Variants in SLC2A5 observed in about 807,000 individuals in gnomAD.
The protein encoded by SLC2A5 is solute carrier family 2, facilitated glucose transporter member 5.
In SLC2A5, 56 loss-of-function variants were observed where a neutral mutation model predicts 50.3. The ratio of observed to expected loss-of-function variants is 1.11; its 90% CI spans 0.90 to 1.39. SLC2A5 has a LOEUF of 1.39. SLC2A5 is among the 40% of genes most tolerant of loss of function. The probability of loss-of-function intolerance (pLI) is 0.00; values close to 1 mark genes in which losing one functional copy is unlikely to be tolerated. For synonymous variants in SLC2A5, 269 were observed against 281.9 expected, an observed-to-expected ratio of 0.95 and a Z score of 0.46; for missense variants, 566 against 650.1, an observed-to-expected ratio of 0.87 and a Z score of 1.41.
chr1:9,071,354 G>A (rs938291365), upstream of SLC2A5, among the ~76,000 whole-genome samples: 3 of 152,104 alleles, frequency 2.0e-5, no homozygotes, highest in African/African-American at 4.8e-5. Context: ...AGGTTGCAGC[G>A]CACCTAGATC....
chr1:9,066,193 G>A (rs755768292), intron 1 of SLC2A5, among the ~76,000 whole-genome samples: 2 of 152,118 alleles, frequency 1.3e-5, no homozygotes, highest in Admixed American at 1.3e-4. Flanking sequence ...AAGCACTTCG[G>A]CATCTTTTTA....
At chr1:9,084,069 GGGA>G (rs919330191) in intron 2 of SLC2A5, among the ~76,000 whole-genome samples, 2 of 151,042 alleles carry the variant, frequency 1.3e-5, no homozygotes, top group African/African-American at 4.9e-5. Context: ...GCGTGAACCT[GGGA>G]GGCGGAGATT....
In SLC2A5 at chr1:9,052,167, C is replaced by T. The variant is rs964895914; in HGVS notation, c.294-4433G>A. On this transcript the variant is annotated intron_variant, in intron 3 of 11. Transcript: ENST00000377424. Reference sequence around the variant, plus strand: ...GGTGTGGTGGCGTGCACCTGTAGTCCCAGCTACTCAGGAGGCTGAGGCAGG... The same window carrying T: ...GGTGTGGTGGCGTGCACCTGTAGTCTCAGCTACTCAGGAGGCTGAGGCAGG... Among the ~76,000 whole-genome samples the T allele has an allele frequency of 1.1e-4, 16 of 152,206 alleles. 1 individual carries two copies. In the South Asian group the frequency reaches 1.5e-3, roughly 14 times the overall value.
chr1:9,046,032 A>G (rs1393762239), intron 4 of SLC2A5, among the ~76,000 whole-genome samples: 1 of 152,078 alleles, frequency 6.6e-6, no homozygotes, highest in Non-Finnish European at 1.5e-5. Flanking sequence ...CGTCTCTGTT[A>G]CTGCCAATTA....
chr1:9,075,669 T>C (rs1642274140), intron 2 of SLC2A5, among the ~76,000 whole-genome samples: 1 of 152,202 alleles, frequency 6.6e-6, no homozygotes, highest in Non-Finnish European at 1.5e-5. Flanking sequence ...TTTTCAATTT[T>C]TTTTTTTTGA....
Position 9,081,286 on chromosome 1 carries a change from A to AAC in SLC2A5, c.-59+3727_-59+3728insGT, listed in dbSNP as rs1268316544. ...GAAAAAAAAAAAAAAAAAACCCCAA[A>AAC]AAAAAAAAACACGACCAAAACAAAA... On this transcript the variant is annotated intron_variant, in intron 2 of 5. Transcript: ENST00000464985. Among the ~76,000 whole-genome samples, 373 of 145,216 alleles carry AAC rather than the reference A, an allele frequency of 2.6e-3. 6 individuals carry two copies. Among genetic ancestry groups the AAC allele is most frequent in the African/African-American group, 8.7e-3 (327 of 37,652 alleles).
At chr1:9,090,089 C>A (rs1642447449), upstream of SLC2A5, among the ~76,000 whole-genome samples, 1 of 152,080 alleles carries the variant, frequency 6.6e-6, no homozygotes, top group African/African-American at 2.4e-5. Context: ...CAGGGAGTCA[C>A]CCTCACTCTT....
intron 4 of SLC2A5, among the ~76,000 whole-genome samples, chr1:9,042,593 CTGTGTGTGTG>C (rs534980545): frequency 2.3e-5 from 3 of 131,684 alleles, no homozygotes; most frequent in Non-Finnish European, 4.9e-5. Flanking sequence ...TATATGGCCT[CTGTGTGTGTG>C]TGTGTGTGTA....
At chr1:9,064,020 G>A (rs1312533664) in intron 1 of SLC2A5, among the ~76,000 whole-genome samples, 1 of 151,772 alleles carries the variant, frequency 6.6e-6, no homozygotes, top group Non-Finnish European at 1.5e-5. Flanking sequence ...TAGAGACAGG[G>A]TCTTGCTATG....
chr1:9,037,724 G>C lies in SLC2A5; in HGVS notation c.1368C>G (p.Ile456Met). 1 of 1,614,226 alleles carries C rather than the reference G, an allele frequency of 6.2e-7. No individual in the cohort carries two copies. Among genetic ancestry groups the C allele is most frequent in the Non-Finnish European group, 8.5e-7 (1 of 1,180,048 alleles). Residue 456 changes from isoleucine to methionine, a missense_variant, in exon 12 of 12, where the codon ATC becomes ATG. Coordinates refer to ENST00000377424, the MANE Select transcript of SLC2A5 (RefSeq NM_003039.3). ...CCTTGGTCTCCGGGACAATCAAGAA[G>C]ATGTAGATGGTGGTGAGGAGGCAGA... ...AVICLLTTIY[I>M]FLIVPETKAK...
Position 9,060,072 on chromosome 1 carries a change from C to A in SLC2A5, c.34-1822G>T, listed in dbSNP as rs1007099474. On this transcript the variant is annotated intron_variant, in intron 1 of 11. Transcript: ENST00000377424. ...ACACCACACACACACAATACACACA[C>A]TACACACACACACTACACACACAAC... Among the ~76,000 whole-genome samples the A allele has an allele frequency of 2.0e-4, 24 of 121,438 alleles. 1 individual carries two copies. Among genetic ancestry groups the A allele is most frequent in the Non-Finnish European group, 1.7e-5 (1 of 57,246 alleles). The allele number at this position is 121,438 out of a possible 152,430, so 79.7% of individuals were successfully genotyped here. A position where few individuals can be genotyped will look rare whatever the true frequency, so the allele number is the denominator to read the frequency against.
At chr1:9,063,443 G>A (rs1641995635) in intron 1 of SLC2A5, among the ~76,000 whole-genome samples, 1 of 151,904 alleles carries the variant, frequency 6.6e-6, no homozygotes, top group Non-Finnish European at 1.5e-5. Flanking sequence ...CACAATCTCA[G>A]CTCACTGTAG....
At chr1:9,081,533 T>C (rs917411266) in intron 2 of SLC2A5, among the ~76,000 whole-genome samples, 1 of 147,490 alleles carries the variant, frequency 6.8e-6, no homozygotes, top group Non-Finnish European at 1.5e-5. Flanking sequence ...GCAAATCGTA[T>C]ATCTTATAAG....
chr1:9,085,532 A>C (rs1642392894), intron 1 of SLC2A5, among the ~76,000 whole-genome samples: 1 of 152,260 alleles, frequency 6.6e-6, no homozygotes, highest in African/African-American at 2.4e-5. Context: ...AGCAGGCTTC[A>C]GAGAGAATAA....
chr1:9,040,212 G>A lies in SLC2A5; in HGVS notation c.572-23C>T. On this transcript the variant is annotated intron_variant, in intron 5 of 11. Coordinates refer to ENST00000377424, the MANE Select transcript of SLC2A5 (RefSeq NM_003039.3). This position sits in a 1 kb window ranked among gnomAD's most constrained non-coding sequence, Gnocchi z 4.3. ...AGCCTGGGAGGAAGGCAGCGAGCTG[G>A]CACCAGCGGCCTCCCCACCACCCCG... 1 of 1,542,302 alleles carries A rather than the reference G, an allele frequency of 6.5e-7. No homozygotes were observed.
At position 9,059,408 on chromosome 1, in the gene SLC2A5, A is replaced by G. The variant is rs186869205; in HGVS notation, c.34-1158T>C. The stretch of plus-strand genomic sequence containing the variant: ...TCTGCCTGCCTTGGCCTCCCAAAGT[A>G]CTGGGATTACAGGCGTGAGCCACCA... On this transcript the variant is annotated intron_variant, in intron 1 of 11. Coordinates refer to ENST00000377424, the MANE Select transcript of SLC2A5 (RefSeq NM_003039.3). Among the ~76,000 whole-genome samples the G allele has an allele frequency of 9.0e-4, 136 of 150,986 alleles. 1 individual carries two copies. In the South Asian group the frequency reaches 0.018, roughly 20 times the overall value.
At chr1:9,092,657 CAACA>C (rs1262629020), upstream of SLC2A5, among the ~76,000 whole-genome samples, 7 of 152,196 alleles carry the variant, frequency 4.6e-5, no homozygotes, top group Admixed American at 1.3e-4. Flanking sequence ...GCCTTTCCCA[CAACA>C]AACAAACGAG....
chr1:9,093,014 C>A (rs1157112333), upstream of SLC2A5, among the ~76,000 whole-genome samples: 1 of 152,140 alleles, frequency 6.6e-6, no homozygotes, highest in Non-Finnish European at 1.5e-5. Flanking sequence ...AGACCACTCG[C>A]CCCTTTTGCT....
At chr1:9,065,638 C>A (rs900586213) in intron 1 of SLC2A5, among the ~76,000 whole-genome samples, 10 of 152,102 alleles carry the variant, frequency 6.6e-5, no homozygotes, top group African/African-American at 2.2e-4. Flanking sequence ...GGGCTCGAAG[C>A]CTGGCTCTGC....
Sources: gnomAD v4.1 joint callset for allele counts (sites outside exome capture counted in the v4.1 genomes callset) on GRCh38, gnomAD v4.1.1 for gene constraint, Gnocchi (gnomAD v3.1) non-coding constraint, MANE v1.5 for transcripts, NCBI Gene and HGNC (gene_info 2026-07-23, HGNC 2026-07-21) for gene names.